CSTL1: variants seen among roughly 807,000 people sequenced by gnomAD.
CSTL1 encodes the protein cystatin like 1.
A neutral mutation model predicts 14.4 loss-of-function variants in CSTL1; 14 were observed. The observed-to-expected ratio is 0.97, with a 90% CI of 0.64 to 1.52. The LOEUF is 1.52. Ranked by LOEUF, CSTL1 falls within the 40% of genes most tolerant of loss-of-function variation. CSTL1 has a pLI of 0.00. For missense variants in CSTL1, 170 were observed against 168.7 expected (o/e 1.01, Z -0.04); for synonymous variants, 72 against 67.5 (o/e 1.07, Z -0.33).
chr20:23,445,365 A>C (rs542544214), downstream of CSTL1, among the ~76,000 whole-genome samples: 2 of 150,474 alleles, frequency 1.3e-5, no homozygotes, highest in South Asian at 4.2e-4. Context: ...TGATTCTTTC[A>C]CCTTAGCCTC....
At chr20:23,451,585 C>T in the CSTL1 span, among the ~76,000 whole-genome samples, 1 of 152,186 alleles carries the variant, frequency 6.6e-6, no homozygotes, top group East Asian at 1.9e-4. Flanking sequence ...CACCTCAACT[C>T]CTCTCTCTGG....
At chr20:23,451,646 G>A in the CSTL1 span, among the ~76,000 whole-genome samples, 2 of 152,116 alleles carry the variant, frequency 1.3e-5, no homozygotes, top group Admixed American at 6.5e-5. Context: ...GCAGCATCTC[G>A]GCTGTCTCCA....
At chr20:23,458,969 C>T in the CSTL1 span, 1 of 152,270 alleles carries the variant, frequency 6.6e-6, no homozygotes, top group African/African-American at 2.4e-5. Context: ...AGCCAAATTC[C>T]CTCCTTCAAA....
At chr20:23,449,586 T>A (rs999477091), downstream of CSTL1, among the ~76,000 whole-genome samples, 2 of 152,116 alleles carry the variant, frequency 1.3e-5, no homozygotes, top group African/African-American at 4.8e-5. Context: ...TGCAACCACA[T>A]GGAGGAGGAA....
Position 23,443,953 on chromosome 20 carries a change from A to G in CSTL1, c.239A>G (p.Tyr80Cys), listed in dbSNP as rs1813985905. The G allele has an allele frequency of 6.2e-7, 1 of 1,613,986 alleles. No individual in the cohort carries two copies. Among genetic ancestry groups the G allele is most frequent in the Admixed American group, 1.7e-5 (1 of 60,024 alleles). The change falls in exon 3 of 4, where the codon TAT (tyrosine) becomes TGT (cysteine). Residue 80 changes from tyrosine to cysteine, a missense_variant. Transcript: ENST00000347397. The part of the protein sequence containing the change: ...SQMQLTTGVE[Y>C]IVTVKIGWTK... ...CGGCAGCTGACGACGGGAGTGGAGTATATAGTCACTGTGAAGATTGGCTGG... is the reference window on the plus strand; with the variant it reads ...CGGCAGCTGACGACGGGAGTGGAGTGTATAGTCACTGTGAAGATTGGCTGG...
the CSTL1 span, among the ~76,000 whole-genome samples, chr20:23,455,872 A>G: frequency 1.3e-5 from 2 of 152,144 alleles, no homozygotes; most frequent in Non-Finnish European, 2.9e-5. Context: ...TGGGGAGGTG[A>G]GCAGTGTGAA....
the CSTL1 span, among the ~76,000 whole-genome samples, chr20:23,455,643 G>T: frequency 0.024 from 3,655 of 152,314 alleles, 138 homozygotes; most frequent in East Asian, 0.17. Flanking sequence ...ACCTCAGTGG[G>T]CAGCCCATGG....
the CSTL1 span, among the ~76,000 whole-genome samples, chr20:23,457,107 G>T: frequency 6.6e-6 from 1 of 152,154 alleles, no homozygotes; most frequent in Non-Finnish European, 1.5e-5. Context: ...TCCGGCTGCC[G>T]GTTGCTCTTG....
the CSTL1 span, chr20:23,451,729 A>G: frequency 1.1e-5 from 11 of 970,664 alleles, no homozygotes; most frequent in South Asian, 7.6e-5. Context: ...GTAAATTCCA[A>G]TTAATTCTTC....
the CSTL1 span, chr20:23,452,681 G>C: frequency 1.9e-6 from 3 of 1,613,856 alleles, no homozygotes; most frequent in Admixed American, 3.3e-5. Context: ...GCTGTCCTTC[G>C]CATAGTTTTC....
downstream of CSTL1, chr20:23,444,982 CAG>C (rs1600273361): frequency 7.8e-6 from 6 of 770,594 alleles, no homozygotes; most frequent in East Asian, 1.6e-4. Flanking sequence ...CATGCACACA[CAG>C]AGTGTACACG....
chr20:23,442,165 G>A (rs1472647326), intron 2 of CSTL1: 1 of 152,400 alleles, frequency 6.6e-6, no homozygotes, highest in Admixed American at 6.5e-5. Flanking sequence ...AGACAGAGCA[G>A]GCGTGCCTCC....
At chr20:23,452,722 G>A in the CSTL1 span, 157 of 1,614,172 alleles carry the variant, frequency 9.7e-5, 1 homozygote, top group African/African-American at 1.9e-3. Flanking sequence ...CGCTTAGAAA[G>A]GTTTTCTTCC....
chr20:23,459,908 T>C, the CSTL1 span, among the ~76,000 whole-genome samples: 1 of 152,300 alleles, frequency 6.6e-6, no homozygotes, highest in African/African-American at 2.4e-5. Flanking sequence ...CACTCTGGCC[T>C]CTCCCTGCAC....
chr20:23,442,686 C>T (rs115141881), intron 2 of CSTL1, among the ~76,000 whole-genome samples: 406 of 152,280 alleles, frequency 2.7e-3, no homozygotes, highest in African/African-American at 9.4e-3. Flanking sequence ...GGTCTAGGCT[C>T]CCTGCTGCCC....
At chr20:23,440,927 T>G in intron 2 of CSTL1, 1 of 253,688 alleles carries the variant, frequency 3.9e-6, no homozygotes. Context: ...TGGCTAAATT[T>G]TTTGTATTTT....
At chr20:23,459,800 C>T in the CSTL1 span, among the ~76,000 whole-genome samples, 4 of 152,138 alleles carry the variant, frequency 2.6e-5, no homozygotes, top group Admixed American at 2.0e-4. Flanking sequence ...GAATAAAATC[C>T]TTTTCCCTGT....
intron 2 of CSTL1, among the ~76,000 whole-genome samples, chr20:23,442,052 G>A (rs992345821): frequency 6.6e-6 from 1 of 152,248 alleles, no homozygotes; most frequent in African/African-American, 2.4e-5. Flanking sequence ...TCCACAATTG[G>A]TTAAGACCCC....
rs773459853 is a variant in CSTL1 at position 23,440,287 on chromosome 20, GA to G, written c.23del (p.Asn8ThrfsTer6). 6.2e-7 allele frequency: 1 copy of G among 1,614,172 alleles called. No individual in the cohort carries two copies. The highest frequency in any genetic ancestry group is 1.7e-5 in the Admixed American group (1 of 60,024). On this transcript the variant is annotated frameshift_variant, in exon 2 of 4. Transcript: ENST00000347397. LOFTEE classifies it high-confidence loss of function. MGIGCW[R>X]NPLLLLIALV... ...GTAGACATGGGGATCGGATGCTGGA[GA>G]AACCCCCTGCTGCTGCTGATTGCCC...
Sources: gnomAD v4.1 joint callset for allele counts (sites outside exome capture counted in the v4.1 genomes callset) on GRCh38, gnomAD v4.1.1 for gene constraint, MANE v1.5 for transcripts, NCBI Gene and HGNC (gene_info 2026-07-23, HGNC 2026-07-21) for gene names.